Variants in FOXN3 observed in about 807,000 individuals in gnomAD.
FOXN3 encodes the protein forkhead box protein N3.
Under a neutral mutation model 38.4 loss-of-function variants are expected in FOXN3, and 7 were observed. The ratio of observed to expected loss-of-function variants is 0.18; its 90% CI spans 0.10 to 0.34. The LOEUF (loss-of-function observed/expected upper bound fraction) is 0.34, where lower values mean the gene tolerates loss of function less well. Among genes scored for constraint, FOXN3 ranks in the 10% least tolerant of loss-of-function variants. The pLI is 1.00. For synonymous variants in FOXN3, 230 were observed against 242.2 expected (o/e 0.95, Z 0.47); for missense variants, 456 against 613.4 (o/e 0.74, Z 2.71).
chr14:89,336,854 T>C (rs533973460), intron 3 of FOXN3, among the ~76,000 whole-genome samples: 1 of 152,368 alleles, frequency 6.6e-6, no homozygotes, highest in East Asian at 1.9e-4. Context: ...ATCAAAGAGT[T>C]GTATTAGAGA....
At chr14:89,363,109 G>T (rs1889941656) in intron 2 of FOXN3, among the ~76,000 whole-genome samples, 1 of 152,140 alleles carries the variant, frequency 6.6e-6, no homozygotes, top group African/African-American at 2.4e-5. Context: ...CCCTGGGGGA[G>T]GAAGGGGTTA....
intron 3 of FOXN3, among the ~76,000 whole-genome samples, chr14:89,282,604 C>T (rs1431051185): frequency 6.6e-6 from 1 of 152,198 alleles, no homozygotes; most frequent in Non-Finnish European, 1.5e-5. Flanking sequence ...TATAACAAAG[C>T]AGGGAACAGC....
At chr14:89,480,626 G>C (rs4899999) in intron 1 of FOXN3, among the ~76,000 whole-genome samples, 35,713 of 151,454 alleles carry the variant, frequency 0.24, 4,512 homozygotes, top group East Asian at 0.42. Context: ...CATATTCCAA[G>C]CAATTTGCTA....
intron 1 of FOXN3, among the ~76,000 whole-genome samples, chr14:89,486,392 CA>C (rs1347661908): frequency 6.6e-6 from 1 of 151,912 alleles, no homozygotes; most frequent in Non-Finnish European, 1.5e-5. Context: ...ACCACATTGT[CA>C]AGTCTGATCA....
At chr14:89,459,801 C>T (rs1892801970) in intron 1 of FOXN3, among the ~76,000 whole-genome samples, 1 of 152,132 alleles carries the variant, frequency 6.6e-6, no homozygotes, top group African/African-American at 2.4e-5. Context: ...AAGGTAATTG[C>T]CTGGATAGTA....
At chr14:89,380,908 G>T (rs1006048674) in intron 2 of FOXN3, among the ~76,000 whole-genome samples, 1 of 152,118 alleles carries the variant, frequency 6.6e-6, no homozygotes, top group Non-Finnish European at 1.5e-5. Flanking sequence ...TTGGGAGGCT[G>T]AGGCGGATGG....
chr14:89,281,906 TATCA>T (rs1175722053), intron 3 of FOXN3, among the ~76,000 whole-genome samples: 2 of 152,208 alleles, frequency 1.3e-5, no homozygotes, highest in Non-Finnish European at 2.9e-5. Flanking sequence ...GTTAATGCAT[TATCA>T]ATCACCTTCA....
intron 4 of FOXN3, among the ~76,000 whole-genome samples, chr14:89,266,233 G>A (rs141533193): frequency 6.6e-5 from 10 of 152,316 alleles, no homozygotes; most frequent in Non-Finnish European, 2.9e-5. Context: ...GCAAAGAGGT[G>A]GCACGTTTGG....
chr14:89,407,669 G>GA (rs1385079154), intron 2 of FOXN3, among the ~76,000 whole-genome samples: 4 of 150,940 alleles, frequency 2.7e-5, no homozygotes, highest in African/African-American at 9.8e-5. Context: ...CCGTTTCTAT[G>GA]AAAAATACAA....
intron 1 of FOXN3, among the ~76,000 whole-genome samples, chr14:89,447,728 G>T (rs1892532542): frequency 6.6e-6 from 1 of 151,246 alleles, no homozygotes; most frequent in Admixed American, 6.6e-5. Context: ...GGGTCTCTCT[G>T]CTACCAAGTC....
chr14:89,363,164 C>T (rs1889945103), intron 2 of FOXN3, among the ~76,000 whole-genome samples: 1 of 152,140 alleles, frequency 6.6e-6, no homozygotes, highest in Admixed American at 6.5e-5. Context: ...CCTCCTGGGG[C>T]CTCACATCCC....
rs939097698 is a variant in FOXN3 at position 89,175,265 on chromosome 14, G to A, written c.851+5436C>T. On this transcript the variant is annotated intron_variant, in intron 5 of 5. Transcript: ENST00000557258. ...CAAATAAAATTAAGCAGCCTTAGACGGTGATTGGATGAAACTCTCATATAA... is the reference window on the plus strand; with the variant it reads ...CAAATAAAATTAAGCAGCCTTAGACAGTGATTGGATGAAACTCTCATATAA... Among the ~76,000 whole-genome samples the A allele has an allele frequency of 5.3e-5, 8 of 152,212 alleles. No homozygotes were observed. The East Asian group carries it at 5.8e-4, about 11-fold the overall frequency.
chr14:89,369,222 A>G (rs539706920), intron 2 of FOXN3, among the ~76,000 whole-genome samples: 34 of 152,336 alleles, frequency 2.2e-4, no homozygotes, highest in South Asian at 4.1e-4. Flanking sequence ...GACTTTATAC[A>G]TAAGAAATTT....
At chr14:89,365,990 G>A (rs772950056) in intron 2 of FOXN3, among the ~76,000 whole-genome samples, 16 of 152,114 alleles carry the variant, frequency 1.1e-4, no homozygotes, top group Non-Finnish European at 1.9e-4. Flanking sequence ...AGTGGCTCAC[G>A]ACTGTAATCC....
At chr14:89,355,860 C>G (rs1185033805) in intron 2 of FOXN3, among the ~76,000 whole-genome samples, 1 of 151,990 alleles carries the variant, frequency 6.6e-6, no homozygotes, top group African/African-American at 2.4e-5. Flanking sequence ...GGAAGAAAGC[C>G]CCCTATTAGC....
rs1002334452 is a variant in FOXN3, at chr14:89,163,045, C to T, written c.852-76G>A. On this transcript the variant is annotated intron_variant, in intron 5 of 5. Transcript: ENST00000557258. This position sits in a 1 kb window ranked among gnomAD's most constrained non-coding sequence, Gnocchi z 4.3. ...TTAGACGTCCTCAGATGGGGGCACC[C>T]GGCAGCCCGCCTGCATTCAACCATC... The T allele has an allele frequency of 8.2e-6, 11 of 1,339,320 alleles. No individual in the cohort carries two copies. The highest frequency in any genetic ancestry group is 5.9e-5 in the African/African-American group (4 of 68,008). The allele number at this position is 1,339,320 out of a possible 1,614,324, so 83.0% of individuals were successfully genotyped here.
intron 3 of FOXN3, among the ~76,000 whole-genome samples, chr14:89,322,720 A>G (rs1291103544): frequency 6.6e-6 from 1 of 152,160 alleles, no homozygotes; most frequent in Non-Finnish European, 1.5e-5. Flanking sequence ...CTCGCTGAGT[A>G]CTAGCCAGGT....
At chr14:89,334,181 A>G (rs1888367005) in intron 3 of FOXN3, among the ~76,000 whole-genome samples, 1 of 152,020 alleles carries the variant, frequency 6.6e-6, no homozygotes, top group Admixed American at 6.6e-5. Context: ...TCTCACTTAT[A>G]TATGGAATTT....
chr14:89,499,760 A>G (rs1893758425), intron 1 of FOXN3, among the ~76,000 whole-genome samples: 1 of 152,140 alleles, frequency 6.6e-6, no homozygotes, highest in African/African-American at 2.4e-5. Flanking sequence ...TAGTCAGACT[A>G]AAGTGTGCAA....
Sources: gnomAD v4.1 joint callset for allele counts (sites outside exome capture counted in the v4.1 genomes callset) on GRCh38, gnomAD v4.1.1 for gene constraint, Gnocchi (gnomAD v3.1) non-coding constraint, MANE v1.5 for transcripts, NCBI Gene and HGNC (gene_info 2026-07-23, HGNC 2026-07-21) for gene names.